Variants in TSGA13 observed in about 807,000 individuals in gnomAD.
TSGA13 encodes testis specific 13.
A neutral mutation model predicts 35.1 loss-of-function variants in TSGA13; 37 were observed. The observed-to-expected ratio is 1.05, with a 90% CI of 0.81 to 1.39. The LOEUF is 1.39. Among genes scored for constraint, TSGA13 ranks in the 40% most tolerant of loss-of-function variants. TSGA13 has a pLI of 0.00. For synonymous variants in TSGA13, 124 were observed against 121.2 expected (o/e 1.02, Z -0.15); for missense variants, 338 against 328.5 (o/e 1.03, Z -0.22).
At chr7:130,677,461 G>T (rs1796440840) in intron 5 of TSGA13, among the ~76,000 whole-genome samples, 2 of 150,178 alleles carry the variant, frequency 1.3e-5, no homozygotes, top group Admixed American at 1.3e-4. Flanking sequence ...GTCTCGCCCT[G>T]TCGCCCATGC....
At chr7:130,670,304 T>G (rs1279654518) in intron 7 of TSGA13, among the ~76,000 whole-genome samples, 1 of 152,156 alleles carries the variant, frequency 6.6e-6, no homozygotes, top group Non-Finnish European at 1.5e-5. Flanking sequence ...AGGCCTTCGG[T>G]ATCAGGACTA....
intron 3 of TSGA13, among the ~76,000 whole-genome samples, chr7:130,682,831 TG>T (rs1184730187): frequency 6.6e-6 from 1 of 151,934 alleles, no homozygotes; most frequent in Non-Finnish European, 1.5e-5. Flanking sequence ...TTAGAGAGGG[TG>T]GGATGAACTA....
intron 5 of TSGA13, among the ~76,000 whole-genome samples, chr7:130,675,109 G>C (rs1363206572): frequency 6.6e-6 from 1 of 151,906 alleles, no homozygotes; most frequent in Non-Finnish European, 1.5e-5. Context: ...ACTAGTGAAG[G>C]ACCACTGTCT....
Position 130,679,376 on chromosome 7 carries a change from AC to A in TSGA13, c.175-10del. 5 of 1,599,726 alleles carry A rather than the reference AC, an allele frequency of 3.1e-6. No individual in the cohort carries two copies. Among genetic ancestry groups the A allele is most frequent in the Non-Finnish European group, 4.3e-6 (5 of 1,172,606 alleles). Reference sequence around the variant, plus strand: ...GGCTTATAGTACTGGGCCTGAACAGACAGAAAGGTTTCCAGAGAGAAAAAGA... The same window carrying A: ...GGCTTATAGTACTGGGCCTGAACAGAAGAAAGGTTTCCAGAGAGAAAAAGA... On this transcript the variant is annotated splice_polypyrimidine_tract_variant and intron_variant, in intron 4 of 7. Coordinates refer to ENST00000356588, the MANE Select transcript of TSGA13 (RefSeq NM_052933.4).
At chr7:130,680,519 A>AGT (rs1554464928) in intron 4 of TSGA13, among the ~76,000 whole-genome samples, 1 of 151,870 alleles carries the variant, frequency 6.6e-6, no homozygotes, top group Admixed American at 6.6e-5. Flanking sequence ...AAAAAAAAAA[A>AGT]AAAAGTAAAA....
intron 4 of TSGA13, among the ~76,000 whole-genome samples, chr7:130,680,475 C>T (rs141929816): frequency 0.013 from 1,893 of 150,380 alleles, 26 homozygotes; most frequent in Middle Eastern, 0.079. Context: ...CACTGCACTC[C>T]AGCCTGGGCA....
chr7:130,677,039 C>A (rs1375470169), intron 5 of TSGA13, among the ~76,000 whole-genome samples: 1 of 151,398 alleles, frequency 6.6e-6, no homozygotes, highest in African/African-American at 2.4e-5. Flanking sequence ...AGTACAGGCG[C>A]CCGCTACCAC....
At chr7:130,681,284 G>A (rs1242399055) in intron 3 of TSGA13, among the ~76,000 whole-genome samples, 5 of 152,160 alleles carry the variant, frequency 3.3e-5, no homozygotes, top group South Asian at 2.1e-4. Flanking sequence ...AGGGAAAGCC[G>A]TTAGGAGGGG....
rs538305606 is a variant in TSGA13, at chr7:130,669,081, C to T, written c.761G>A (p.Gly254Glu). The change falls in exon 8 of 8, where the codon GGG (glycine) becomes GAG (glutamate). Residue 254 changes from glycine to glutamate, a missense_variant. Physicochemically the swap from Gly to Glu is moderately conservative, Grantham distance 98 (BLOSUM62 -2). Coordinates refer to ENST00000356588, the MANE Select transcript of TSGA13 (RefSeq NM_052933.4). ...CCTCCCGTTGCGGAAGGCGCTCTCC[C>T]CGGGCGCGGTTCTGGTGGGCATGTC... ...LEDMPTRTAP[G>E]ESAFRNGRAP... 22 of 1,614,256 alleles carry T rather than the reference C, an allele frequency of 1.4e-5. No individual in the cohort carries two copies. In the South Asian group the frequency reaches 2.2e-4, roughly 16 times the overall value.
intron 4 of TSGA13, among the ~76,000 whole-genome samples, chr7:130,679,687 T>G (rs1187758973): frequency 2.0e-5 from 3 of 151,916 alleles, no homozygotes; most frequent in Non-Finnish European, 4.4e-5. Flanking sequence ...TTTTTGTGGG[T>G]TTTTCTGTTT....
Position 130,681,532 on chromosome 7 carries a change from G to A in TSGA13, c.103-515C>T, listed in dbSNP as rs183469510. 2.8e-3 allele frequency among the ~76,000 whole-genome samples: 401 copies of A among 144,286 alleles called. 5 individuals are homozygous for A. The Middle Eastern group carries it at 0.056, about 20-fold the overall frequency. The allele number at this position is 144,286 out of a possible 152,430, so 94.7% of individuals were successfully genotyped here. ...GGAGCCGACCTACTCACAGAGAAAG[G>A]AAGAAGAGCAGTGCATGTTACAATT... is the stretch of plus-strand genomic sequence containing the variant. On this transcript the variant is annotated intron_variant, in intron 3 of 7. Transcript: ENST00000356588.
intron 5 of TSGA13, among the ~76,000 whole-genome samples, chr7:130,675,385 G>T (rs1394019036): frequency 6.6e-6 from 1 of 150,596 alleles, no homozygotes; most frequent in African/African-American, 2.4e-5. Flanking sequence ...TTTTTTTGGG[G>T]GGGGTGGGGT....
Position 130,669,172 on chromosome 7 carries a change from A to G in TSGA13, c.670T>C (p.Ser224Pro). The G allele has an allele frequency of 1.9e-6, 3 of 1,614,130 alleles. No homozygotes were observed. The highest frequency in any genetic ancestry group is 2.5e-6 in the Non-Finnish European group (3 of 1,180,022). The change falls in exon 8 of 8, where the codon TCA (serine) becomes CCA (proline). Residue 224 changes from serine (S) to proline (P), a missense_variant. Coordinates refer to ENST00000356588, the MANE Select transcript of TSGA13 (RefSeq NM_052933.4). ...TTGGAAATTGGCCTTTCACTCGCTGACTTCTTGGAAGCTACGACAAAGCAC... is the reference window on the plus strand; with the variant it reads ...TTGGAAATTGGCCTTTCACTCGCTGGCTTCTTGGAAGCTACGACAAAGCAC... ...RDMRKDASKK[S>P]ASERPISKVI...
At position 130,670,875 on chromosome 7, in the gene TSGA13, C is replaced by T. The variant is rs998004421; in HGVS notation, c.658+786G>A. Among the ~76,000 whole-genome samples, 7 of 152,262 alleles carry T rather than the reference C, an allele frequency of 4.6e-5. No homozygotes were observed. In the East Asian group the frequency reaches 5.8e-4, roughly 13 times the overall value. On this transcript the variant is annotated intron_variant, in intron 7 of 7. Transcript: ENST00000356588. ...CCCCTGGCCTCCAGCAATCCTCCTG[C>T]CCCAGCCTCCCAAACTGCTAGGATT...
At chr7:130,678,140 A>G (rs1240309399) in intron 5 of TSGA13, among the ~76,000 whole-genome samples, 1 of 152,176 alleles carries the variant, frequency 6.6e-6, no homozygotes, top group Non-Finnish European at 1.5e-5. Context: ...GCACTTTGGG[A>G]GGCCAAGGCG....
Position 130,672,805 on chromosome 7 carries a change from TC to T in TSGA13, c.458del (p.Arg153AsnfsTer4), listed in dbSNP as rs781797549. 2 of 1,614,114 alleles carry T rather than the reference TC, an allele frequency of 1.2e-6. No individual in the cohort carries two copies. Among genetic ancestry groups the T allele is most frequent in the South Asian group, 2.2e-5 (2 of 91,076 alleles). ...AAGGGAAGATTGGTTTCAGCTTAGA[TC>T]TTAACTTTTTTTTCTGAGGCATGCG... Reference protein sequence around the residue: ...LPRMPQKKKLRSKLKPIFPLI... With the variant: ...LPRMPQKKKLXSKLKPIFPLI... On this transcript the variant is annotated frameshift_variant, in exon 6 of 8. Coordinates refer to ENST00000356588, the MANE Select transcript of TSGA13 (RefSeq NM_052933.4). LOFTEE classifies it high-confidence loss of function.
At chr7:130,675,795 G>A (rs1331097752) in intron 5 of TSGA13, among the ~76,000 whole-genome samples, 1 of 152,210 alleles carries the variant, frequency 6.6e-6, no homozygotes, top group Non-Finnish European at 1.5e-5. Flanking sequence ...GATTAGCTCA[G>A]GGATTCTGGA....
chr7:130,678,517 C>T (rs1796464637), intron 5 of TSGA13, among the ~76,000 whole-genome samples: 1 of 152,188 alleles, frequency 6.6e-6, no homozygotes, highest in Non-Finnish European at 1.5e-5. Flanking sequence ...CATTTCCTGA[C>T]TCATCTTTTA....
rs377300327 is a variant in TSGA13, at chr7:130,672,722, G to C, written c.530+12C>G. ...GGAAAGAAAGCAAGTACAAGAAGAA[G>C]CAAGATTTCACCTAAACCATTGTTC... is the stretch of plus-strand genomic sequence containing the variant. On this transcript the variant is annotated intron_variant, in intron 6 of 7. Coordinates refer to ENST00000356588, the MANE Select transcript of TSGA13 (RefSeq NM_052933.4). 103 of 1,609,970 alleles carry C rather than the reference G, an allele frequency of 6.4e-5. No homozygotes were observed. The Middle Eastern group carries it at 1.2e-3, about 18-fold the overall frequency.
Sources: allele counts gnomAD v4.1 joint callset (sites outside exome capture counted in the v4.1 genomes callset), GRCh38; gene constraint gnomAD v4.1.1; transcripts MANE v1.5; gene names NCBI Gene and HGNC (gene_info 2026-07-23, HGNC 2026-07-21).